BRD10: variants seen among roughly 807,000 people sequenced by gnomAD.
BRD10 encodes uncharacterized bromodomain-containing protein 10.
At chr9:5,989,088 G>A in the BRD10 span, among the ~76,000 whole-genome samples, 2 of 151,688 alleles carry the variant, frequency 1.3e-5, no homozygotes, top group Non-Finnish European at 2.9e-5. Context: ...AAATTAGCCG[G>A]GCGCGGTGGC....
the BRD10 span, among the ~76,000 whole-genome samples, chr9:5,954,335 C>T: frequency 6.6e-6 from 1 of 152,200 alleles, no homozygotes; most frequent in African/African-American, 2.4e-5. Flanking sequence ...CGATTACCAT[C>T]TCCAATGTGT....
At chr9:5,921,016 T>C in the BRD10 span, 12 of 1,613,976 alleles carry the variant, frequency 7.4e-6, no homozygotes, top group Non-Finnish European at 1.0e-5. Context: ...AACCCAAAGA[T>C]AAATTTGCTC....
the BRD10 span, among the ~76,000 whole-genome samples, chr9:5,996,164 T>A: frequency 0.062 from 9,438 of 152,162 alleles, 316 homozygotes; most frequent in Middle Eastern, 0.082. Flanking sequence ...AGTAAATAAA[T>A]ACATATATAA....
the BRD10 span, among the ~76,000 whole-genome samples, chr9:5,942,003 AAAG>A: frequency 6.6e-6 from 1 of 152,072 alleles, no homozygotes; most frequent in South Asian, 2.1e-4. Context: ...TAATTTATAA[AAAG>A]AAATATTTTA....
At chr9:5,943,920 G>C in the BRD10 span, among the ~76,000 whole-genome samples, 3 of 152,050 alleles carry the variant, frequency 2.0e-5, no homozygotes, top group Non-Finnish European at 4.4e-5. Context: ...ACTTCAGAAG[G>C]CTGTACTTTT....
chr9:5,915,526 T>A, the BRD10 span, among the ~76,000 whole-genome samples: 7 of 152,212 alleles, frequency 4.6e-5, no homozygotes, highest in African/African-American at 1.7e-4. Context: ...ATTTTTATAA[T>A]CATTCCCTAT....
chr9:5,917,343 G>C, the BRD10 span, among the ~76,000 whole-genome samples: 1 of 152,192 alleles, frequency 6.6e-6, no homozygotes, highest in Non-Finnish European at 1.5e-5. Flanking sequence ...ACCTTCAAGT[G>C]TCTTGAATTT....
At chr9:5,988,574 G>A in the BRD10 span, 2 of 1,560,718 alleles carry the variant, frequency 1.3e-6, no homozygotes, top group Non-Finnish European at 1.8e-6. Context: ...AATTCACAAG[G>A]TCAAATCTTC....
chr9:5,980,871 C>A, the BRD10 span, among the ~76,000 whole-genome samples: 1 of 152,074 alleles, frequency 6.6e-6, no homozygotes, highest in Non-Finnish European at 1.5e-5. Context: ...TTTTAACCTA[C>A]GTAACAAAAT....
At chr9:5,902,006 G>A in the BRD10 span, among the ~76,000 whole-genome samples, 1 of 107,248 alleles carries the variant, frequency 9.3e-6, no homozygotes, top group Non-Finnish European at 2.3e-5. Flanking sequence ...TGGTATTAGG[G>A]TAATGCTGGC....
At chr9:5,965,205 T>C in the BRD10 span, among the ~76,000 whole-genome samples, 3 of 151,740 alleles carry the variant, frequency 2.0e-5, no homozygotes, top group Non-Finnish European at 4.4e-5. Flanking sequence ...CCACCCTAAG[T>C]GAAGGTTCAT....
the BRD10 span, among the ~76,000 whole-genome samples, chr9:5,933,185 A>C: frequency 6.6e-6 from 1 of 152,308 alleles, no homozygotes; most frequent in South Asian, 2.1e-4. Context: ...TTTAGTTCTG[A>C]CTCTCCTTTA....
the BRD10 span, among the ~76,000 whole-genome samples, chr9:5,925,256 G>GGCT: frequency 4.6e-5 from 7 of 151,772 alleles, no homozygotes; most frequent in East Asian, 1.4e-3. Context: ...CTATTCGGGA[G>GGCT]GCTGAGGGAC....
At chr9:5,915,702 C>T in the BRD10 span, among the ~76,000 whole-genome samples, 3 of 152,296 alleles carry the variant, frequency 2.0e-5, no homozygotes, top group South Asian at 6.2e-4. Flanking sequence ...AAACTCCCTG[C>T]TAAATTCTTA....
chr9:5,922,423 G>T, the BRD10 span: 1 of 1,613,854 alleles, frequency 6.2e-7, no homozygotes, highest in African/African-American at 1.3e-5. Context: ...TACTTACAGA[G>T]GTTACAGGCG....
At chr9:5,992,645 C>T in the BRD10 span, among the ~76,000 whole-genome samples, 1 of 151,838 alleles carries the variant, frequency 6.6e-6, no homozygotes, top group Non-Finnish European at 1.5e-5. Flanking sequence ...TAATATGCTG[C>T]CATCCATAAG....
At chr9:5,959,234 A>G in the BRD10 span, among the ~76,000 whole-genome samples, 2 of 152,256 alleles carry the variant, frequency 1.3e-5, no homozygotes, top group African/African-American at 4.8e-5. Flanking sequence ...CGTTATAGTT[A>G]TCATCTACCC....
At chr9:5,881,957 T>C in the BRD10 span, among the ~76,000 whole-genome samples, 1 of 152,070 alleles carries the variant, frequency 6.6e-6, no homozygotes, top group Non-Finnish European at 1.5e-5. Context: ...CAGGAACCAG[T>C]GGTTGTGTCA....
At chr9:5,907,205 C>A in the BRD10 span, 2 of 331,310 alleles carry the variant, frequency 6.0e-6, no homozygotes, top group South Asian at 2.3e-4. Context: ...AAGGGAAGTA[C>A]AGATATTTTC....
Sources: gnomAD v4.1 joint callset for allele counts (sites outside exome capture counted in the v4.1 genomes callset) on GRCh38, gnomAD v4.1.1 for gene constraint, MANE v1.5 for transcripts, NCBI Gene and HGNC (gene_info 2026-07-23, HGNC 2026-07-21) for gene names.